The following ESR1 variants were observed in gnomAD, a reference collection of about 807,000 sequenced individuals.
ESR1 encodes estrogen receptor.
In ESR1, 12 loss-of-function variants were observed where a neutral mutation model predicts 52.7. The ratio of observed to expected loss-of-function variants is 0.23; its 90% confidence interval spans 0.15 to 0.37. ESR1 has a LOEUF of 0.37. Among genes scored for constraint, ESR1 ranks in the 10% least tolerant of loss-of-function variants. The probability of loss-of-function intolerance (pLI) is 1.00; values close to 1 mark genes in which losing one functional copy is unlikely to be tolerated. For missense variants in ESR1, 584 were observed against 779.7 expected, an observed-to-expected ratio of 0.75 and a Z score of 2.99; for synonymous variants, 305 against 316.8, an observed-to-expected ratio of 0.96 and a Z score of 0.39.
At chr6:151,908,486 A>AT (rs927217697) in intron 3 of ESR1, among the ~76,000 whole-genome samples, 1 of 152,192 alleles carries the variant, frequency 6.6e-6, no homozygotes, top group Non-Finnish European at 1.5e-5. Flanking sequence ...GGGTGTTAAT[A>AT]TGCCTGTTGG....
At chr6:152,002,734 T>A (rs1562655540) in intron 4 of ESR1, among the ~76,000 whole-genome samples, 1 of 152,036 alleles carries the variant, frequency 6.6e-6, no homozygotes, top group Non-Finnish European at 1.5e-5. Flanking sequence ...AAGCTGAAAT[T>A]GATTTCTTTC....
intron 4 of ESR1, among the ~76,000 whole-genome samples, chr6:151,957,656 C>T (rs2037158437): frequency 1.0e-5 from 1 of 100,016 alleles, no homozygotes; most frequent in Non-Finnish European, 2.8e-5. Context: ...ATCCTACAAG[C>T]TTAAAGTAGT....
chr6:151,902,860 A>T (rs1224349233), intron 3 of ESR1, among the ~76,000 whole-genome samples: 1 of 152,220 alleles, frequency 6.6e-6, no homozygotes, highest in Non-Finnish European at 1.5e-5. Context: ...GTTTTAGTAT[A>T]CTGTCATCAT....
At chr6:151,827,254 G>A (rs1187343858) in intron 1 of ESR1, among the ~76,000 whole-genome samples, 3 of 151,342 alleles carry the variant, frequency 2.0e-5, no homozygotes, top group African/African-American at 4.9e-5. Flanking sequence ...AATTACTTGG[G>A]AGGCTGAGAT....
intron 2 of ESR1, among the ~76,000 whole-genome samples, chr6:151,871,433 C>G (rs912957513): frequency 6.6e-6 from 1 of 151,750 alleles, no homozygotes; most frequent in South Asian, 2.1e-4. Flanking sequence ...GATGGAGTTT[C>G]ACTCTAGTCG....
chr6:152,091,755 AAGAAG>A (rs2050201280), intron 6 of ESR1, among the ~76,000 whole-genome samples: 1 of 151,992 alleles, frequency 6.6e-6, no homozygotes, highest in Admixed American at 6.5e-5. Context: ...TGCAAACAAT[AAGAAG>A]AGAAGAGAGG....
At chr6:151,894,900 AT>A (rs563070135) in intron 3 of ESR1, among the ~76,000 whole-genome samples, 117 of 150,750 alleles carry the variant, frequency 7.8e-4, no homozygotes, top group African/African-American at 2.8e-3. Context: ...TAATTTTAGG[AT>A]TTTTTTTCTA....
intron 6 of ESR1, chr6:152,112,735 G>A (rs1274122297): frequency 1.3e-5 from 2 of 152,288 alleles, no homozygotes; most frequent in African/African-American, 4.8e-5. Context: ...AGCACCAGCA[G>A]CTGACCTGGC....
intron 2 of ESR1, among the ~76,000 whole-genome samples, chr6:151,792,586 T>A (rs1306650610): frequency 6.6e-6 from 1 of 152,060 alleles, no homozygotes; most frequent in Middle Eastern, 3.2e-3. Flanking sequence ...ACTGCAGACG[T>A]ACACTACTGC....
intron 5 of ESR1, among the ~76,000 whole-genome samples, chr6:152,023,350 G>C (rs2043847371): frequency 6.6e-6 from 1 of 152,056 alleles, no homozygotes; most frequent in Non-Finnish European, 1.5e-5. Flanking sequence ...ATAATACAAA[G>C]AAATCTCATC....
chr6:152,114,866 G>A (rs1266516487), intron 6 of ESR1, among the ~76,000 whole-genome samples: 2 of 136,650 alleles, frequency 1.5e-5, no homozygotes, highest in Non-Finnish European at 3.1e-5. Flanking sequence ...ACTCCAGCCT[G>A]GGTGACAGAG....
At chr6:152,078,686 G>A (rs2048947540) in intron 6 of ESR1, among the ~76,000 whole-genome samples, 1 of 152,188 alleles carries the variant, frequency 6.6e-6, no homozygotes, top group African/African-American at 2.4e-5. Flanking sequence ...CACCCACAAA[G>A]TGCAAGGGGT....
chr6:152,116,043 C>T (rs749172583), intron 6 of ESR1, among the ~76,000 whole-genome samples: 3 of 152,032 alleles, frequency 2.0e-5, no homozygotes, highest in Non-Finnish European at 4.4e-5. Context: ...GAATAAGTCC[C>T]GTAATTTGGA....
intron 4 of ESR1, among the ~76,000 whole-genome samples, chr6:151,998,799 T>C (rs2041713922): frequency 6.6e-6 from 1 of 152,140 alleles, no homozygotes; most frequent in Non-Finnish European, 1.5e-5. Context: ...AGTTTAGGTA[T>C]CCTTCCCCTC....
chr6:151,938,982 T>C (rs1584350706), intron 3 of ESR1, among the ~76,000 whole-genome samples: 2 of 152,192 alleles, frequency 1.3e-5, no homozygotes, highest in African/African-American at 2.4e-5. Context: ...TGAAAAGTGG[T>C]TCAAAGAAAT....
At position 152,098,614 on chromosome 6, in the gene ESR1, GA is replaced by G. The variant is rs2050827374; in HGVS notation, c.1554-115del. 1 of 864,412 alleles carries G rather than the reference GA, an allele frequency of 1.2e-6. No individual in the cohort carries two copies. Among genetic ancestry groups the G allele is most frequent in the Non-Finnish European group, 1.9e-6 (1 of 529,696 alleles). The allele number at this position is 864,412 out of a possible 1,614,324, so 53.5% of individuals were successfully genotyped here. On this transcript the variant is annotated intron_variant, in intron 7 of 7. Transcript: ENST00000206249. The surrounding 1 kb of genome is among the most constrained non-coding windows in gnomAD (Gnocchi z 5.1). ...CCTAAAGTGGGTCTTTAAACAGGAA[GA>G]AAGAAAGATTGCTAAGTGTCTTTGG... is the stretch of plus-strand genomic sequence containing the variant.
chr6:152,074,021 A>G (rs952531581), intron 6 of ESR1, among the ~76,000 whole-genome samples: 1 of 152,130 alleles, frequency 6.6e-6, no homozygotes, highest in Admixed American at 6.5e-5. Flanking sequence ...AAGTTCCCAT[A>G]TATTCCCTGC....
Position 152,068,694 on chromosome 6 carries a change from T to C in ESR1, c.1369+7570T>C, listed in dbSNP as rs569141722. 3.2e-4 allele frequency among the ~76,000 whole-genome samples: 48 copies of C among 152,340 alleles called. 1 individual carries two copies. The South Asian group carries it at 8.7e-3, about 28-fold the overall frequency. ...AAGACAATTTAAAGACCTATGAGAA[T>C]CCATCTTTAATTCTCAGGAGCGTGT... is the stretch of plus-strand genomic sequence containing the variant. On this transcript the variant is annotated intron_variant, in intron 6 of 7. Coordinates refer to ENST00000206249, the MANE Select transcript of ESR1 (RefSeq NM_000125.4).
intron 5 of ESR1, among the ~76,000 whole-genome samples, chr6:152,040,930 T>G: frequency 6.6e-6 from 1 of 152,314 alleles, no homozygotes; most frequent in South Asian, 2.1e-4. Context: ...AGCCTGATCA[T>G]GTATATACCA....
Sources: allele counts gnomAD v4.1 joint callset (sites outside exome capture counted in the v4.1 genomes callset), GRCh38; gene constraint gnomAD v4.1.1; non-coding constraint Gnocchi (gnomAD v3.1); transcripts MANE v1.5; gene names NCBI Gene and HGNC (gene_info 2026-07-23, HGNC 2026-07-21).